The following CACNA1B variants were observed in gnomAD, a reference collection of about 807,000 sequenced individuals.
CACNA1B encodes voltage-dependent N-type calcium channel subunit alpha-1B.
In CACNA1B, 70 loss-of-function variants were observed where a neutral mutation model predicts 247.2. The ratio of observed to expected loss-of-function variants is 0.28; its 90% confidence interval spans 0.23 to 0.35. The LOEUF is 0.35. Among genes scored for constraint, CACNA1B ranks in the 10% least tolerant of loss-of-function variants. The pLI, the probability that CACNA1B is intolerant of heterozygous loss-of-function variation, is 1.00. For missense variants in CACNA1B, 2,367 were observed against 3,197.4 expected (o/e 0.74, Z 6.26); for synonymous variants, 1,231 against 1,294.4 (o/e 0.95, Z 1.05).
chr9:137,950,244 G>C lies in CACNA1B; in HGVS notation c.967-2030G>C, dbSNP rs1305697581. Among the ~76,000 whole-genome samples, 1 of 152,206 alleles carries C rather than the reference G, an allele frequency of 6.6e-6. No homozygotes were observed. The highest frequency in any genetic ancestry group is 1.9e-4 in the East Asian group (1 of 5,188). ...GGAGGGTTAGAGGTGCCTTGTTCTT[G>C]TTCTCCACGTGATTTCTGCACACTG... On this transcript the variant is annotated intron_variant, in intron 6 of 46. Transcript: ENST00000371372. The surrounding 1 kb of genome is among the most constrained non-coding windows in gnomAD (Gnocchi z 4.8).
rs943761618 is a variant in CACNA1B, at chr9:137,882,510, G to T, written c.391-234G>T. ...GGCCTGCAGGCATGACTGGGATGTT[G>T]CTGCTGTAAACAGTGGTGTCCCCAT... On this transcript the variant is annotated intron_variant, in intron 2 of 46. Coordinates refer to ENST00000371372, the MANE Select transcript of CACNA1B (RefSeq NM_000718.4). The surrounding 1 kb of genome is among the most constrained non-coding windows in gnomAD (Gnocchi z 4.0). Among the ~76,000 whole-genome samples the T allele has an allele frequency of 1.3e-5, 2 of 152,178 alleles. No homozygotes were observed. Among genetic ancestry groups the T allele is most frequent in the African/African-American group, 2.4e-5 (1 of 41,438 alleles).
Position 137,971,348 on chromosome 9 carries a change from G to A in CACNA1B, c.1334-35G>A. On this transcript the variant is annotated intron_variant, in intron 10 of 46. Transcript: ENST00000371372. The surrounding 1 kb of genome is among the most constrained non-coding windows in gnomAD (Gnocchi z 4.4). ...AGGTGGGGTAGGCGGGTGCCCATTGGTCCCCACATCCTCAGTAACTCCCCA... is the reference window on the plus strand; with the variant it reads ...AGGTGGGGTAGGCGGGTGCCCATTGATCCCCACATCCTCAGTAACTCCCCA... 6.5e-7 allele frequency: 1 copy of A among 1,530,156 alleles called. No homozygotes were observed. Among genetic ancestry groups the A allele is most frequent in the Non-Finnish European group, 8.9e-7 (1 of 1,117,804 alleles). 94.8% of individuals were successfully genotyped at this position (1,530,156 alleles called of 1,614,324 possible).
chr9:137,986,654 T>C lies in CACNA1B; in HGVS notation c.1901+110T>C. The stretch of plus-strand genomic sequence containing the variant: ...TCCACCCACCTTCCCACCAGGAAGG[T>C]CCTCAGAGGGGCCAGTGTGCAGCCA... On this transcript the variant is annotated intron_variant, in intron 14 of 46. Transcript: ENST00000371372. This position sits in a 1 kb window ranked among gnomAD's most constrained non-coding sequence, Gnocchi z 6.0. 6.8e-7 allele frequency: 1 copy of C among 1,461,322 alleles called. No homozygotes were observed. Among genetic ancestry groups the C allele is most frequent in the Middle Eastern group, 1.8e-4 (1 of 5,656 alleles). The allele number at this position is 1,461,322 out of a possible 1,614,324, so 90.5% of individuals were successfully genotyped here.
chr9:138,120,580 G>T lies in CACNA1B; in HGVS notation c.6239-51G>T, dbSNP rs369691282. 1.6e-5 allele frequency: 23 copies of T among 1,463,114 alleles called. No individual in the cohort carries two copies. The African/African-American group carries it at 2.6e-4, about 16-fold the overall frequency. 90.6% of individuals were successfully genotyped at this position (1,463,114 alleles called of 1,614,324 possible). On this transcript the variant is annotated intron_variant, in intron 45 of 46. Transcript: ENST00000371372. ...CTGTCCTGCTGGGCCCGGGGGTCAG[G>T]GGTCCCTGCCTTGGGCCTGGCCGTG...
In CACNA1B at chr9:138,084,509, G is replaced by A. The variant is rs138408244; in HGVS notation, c.5094+6251G>A. The stretch of plus-strand genomic sequence containing the variant: ...AATGTTGAATGCAGCTAAAGAAGTT[G>A]TAGGGAGACTATACCACTGCACCTG... On this transcript the variant is annotated intron_variant, in intron 36 of 46. Transcript: ENST00000371372. 5.5e-3 allele frequency among the ~76,000 whole-genome samples: 834 copies of A among 151,464 alleles called. 45 individuals carry two copies. The highest frequency in any genetic ancestry group is 0.02 in the African/African-American group (803 of 41,068).
intron 16 of CACNA1B, 50 bp from the exon 17 acceptor site, chr9:138,009,960 A>G (rs1349794328): frequency 6.9e-7 from 1 of 1,448,254 alleles, no homozygotes; most frequent in African/African-American, 1.4e-5. Context: ...CTGCAGTGTG[A>G]CTGGGGCCAT....
chr9:138,103,648 C>G (rs1203148307), intron 38 of CACNA1B, among the ~76,000 whole-genome samples: 1 of 152,232 alleles, frequency 6.6e-6, no homozygotes, highest in African/African-American at 2.4e-5. Context: ...TTCGTTCCCC[C>G]AGCACCCACC....
Position 138,054,924 on chromosome 9 carries a change from C to A in CACNA1B, c.3968+918C>A, listed in dbSNP as rs1589099928. Among the ~76,000 whole-genome samples the A allele has an allele frequency of 6.6e-6, 1 of 152,068 alleles. No homozygotes were observed. The highest frequency in any genetic ancestry group is 1.9e-4 in the East Asian group (1 of 5,170). On this transcript the variant is annotated intron_variant, in intron 26 of 46. Transcript: ENST00000371372. The surrounding 1 kb of genome is among the most constrained non-coding windows in gnomAD (Gnocchi z 4.6). Reference sequence around the variant, plus strand: ...CCCCCTTTGCTAGGGGGATTGGCCGCTTAGGTGTTCTTTTCTGGAAGTGTC... The same window carrying A: ...CCCCCTTTGCTAGGGGGATTGGCCGATTAGGTGTTCTTTTCTGGAAGTGTC...
chr9:138,028,074 C>T (rs1476514386), intron 20 of CACNA1B, among the ~76,000 whole-genome samples: 2 of 138,286 alleles, frequency 1.4e-5, no homozygotes, highest in African/African-American at 5.5e-5. Context: ...TGCTCTGTCA[C>T]CCTGGCTGGA....
rs112706344 is a variant in CACNA1B, at chr9:137,971,766, T to C, written c.1543+174T>C. The stretch of plus-strand genomic sequence containing the variant: ...GGAGCCTCTGTGGGGGCCTGGGGTG[T>C]GTCCAGAGCTGGAGGGTGGCCTCTC... On this transcript the variant is annotated intron_variant, in intron 11 of 46. Coordinates refer to ENST00000371372, the MANE Select transcript of CACNA1B (RefSeq NM_000718.4). This position sits in a 1 kb window ranked among gnomAD's most constrained non-coding sequence, Gnocchi z 4.4. Among the ~76,000 whole-genome samples the C allele has an allele frequency of 0.018, 2,708 of 152,152 alleles. 38 individuals carry two copies. The highest frequency in any genetic ancestry group is 0.056 in the East Asian group (286 of 5,144).
chr9:137,974,248 G>A lies in CACNA1B; in HGVS notation c.1544-1659G>A, dbSNP rs1420180770. On this transcript the variant is annotated intron_variant, in intron 11 of 46. Transcript: ENST00000371372. This position sits in a 1 kb window ranked among gnomAD's most constrained non-coding sequence, Gnocchi z 4.5. Reference sequence around the variant, plus strand: ...GCTGTAGGGTCCAGTGGTCTCAGTTGAGGGTGGATCCTTCCATTCCCGAGC... The same window carrying A: ...GCTGTAGGGTCCAGTGGTCTCAGTTAAGGGTGGATCCTTCCATTCCCGAGC... Among the ~76,000 whole-genome samples the A allele has an allele frequency of 1.3e-5, 2 of 152,210 alleles. No individual in the cohort carries two copies. The highest frequency in any genetic ancestry group is 2.9e-5 in the Non-Finnish European group (2 of 68,044).
At chr9:138,076,119 C>T (rs767271915) in intron 35 of CACNA1B, among the ~76,000 whole-genome samples, 2 of 152,198 alleles carry the variant, frequency 1.3e-5, no homozygotes, top group Admixed American at 6.5e-5. Context: ...AGTCTCAGAA[C>T]AGGCTGAAGG....
intron 36 of CACNA1B, among the ~76,000 whole-genome samples, chr9:138,085,350 A>G (rs765930826): frequency 6.6e-6 from 1 of 151,220 alleles, no homozygotes; most frequent in Non-Finnish European, 1.5e-5. Flanking sequence ...AAGAAAAGAA[A>G]TAATTAAAAA....
At chr9:137,943,288 T>C in intron 6 of CACNA1B, among the ~76,000 whole-genome samples, 1 of 152,202 alleles carries the variant, frequency 6.6e-6, no homozygotes, top group East Asian at 1.9e-4. Context: ...TTTCCTGACA[T>C]AGCTTAGCTA....
intron 15 of CACNA1B, among the ~76,000 whole-genome samples, chr9:137,989,795 G>A (rs1958411189): frequency 6.6e-6 from 1 of 152,084 alleles, no homozygotes; most frequent in African/African-American, 2.4e-5. Context: ...CACGACAAAA[G>A]CTTATACATT....
rs940192338 is a variant in CACNA1B, at chr9:138,011,859, G to A, written c.2161-1270G>A. On this transcript the variant is annotated intron_variant, in intron 17 of 46. Transcript: ENST00000371372. This position sits in a 1 kb window ranked among gnomAD's most constrained non-coding sequence, Gnocchi z 4.2. ...GGACATTTTAGGGAACACTGGGAAT[G>A]CTGGCTCCCAGGGGAGCCAGGTGGG... is the stretch of plus-strand genomic sequence containing the variant. Among the ~76,000 whole-genome samples, 16 of 152,206 alleles carry A rather than the reference G, an allele frequency of 1.1e-4. No homozygotes were observed. The highest frequency in any genetic ancestry group is 3.9e-4 in the African/African-American group (16 of 41,466).
chr9:138,002,773 CTCTTT>C (rs537262919), intron 15 of CACNA1B, among the ~76,000 whole-genome samples: 188 of 151,652 alleles, frequency 1.2e-3, no homozygotes, highest in African/African-American at 3.6e-3. Flanking sequence ...GAAATTTCTT[CTCTTT>C]TCTTTTCTTT....
intron 32 of CACNA1B, among the ~76,000 whole-genome samples, chr9:138,070,801 A>G (rs1960103454): frequency 6.6e-6 from 1 of 152,096 alleles, no homozygotes; most frequent in Non-Finnish European, 1.5e-5. Context: ...CCACACATCC[A>G]CACCTGACAT....
chr9:137,880,494 C>T lies in CACNA1B; in HGVS notation c.390+1335C>T, dbSNP rs1333337676. 3.3e-5 allele frequency among the ~76,000 whole-genome samples: 5 copies of T among 152,252 alleles called. No individual in the cohort carries two copies. The highest frequency in any genetic ancestry group is 2.0e-4 in the Admixed American group (3 of 15,296). ...GAGGGCAGGGCCAGGGTCAGAGGGACGCAGGCCCAGGAGCCAGGCCGGGGC... is the reference window on the plus strand; with the variant it reads ...GAGGGCAGGGCCAGGGTCAGAGGGATGCAGGCCCAGGAGCCAGGCCGGGGC... On this transcript the variant is annotated intron_variant, in intron 2 of 46. Transcript: ENST00000371372. The surrounding 1 kb of genome is among the most constrained non-coding windows in gnomAD (Gnocchi z 4.8).
Sources: gnomAD v4.1 joint callset for allele counts (sites outside exome capture counted in the v4.1 genomes callset) on GRCh38, gnomAD v4.1.1 for gene constraint, Gnocchi (gnomAD v3.1) non-coding constraint, MANE v1.5 for transcripts, NCBI Gene and HGNC (gene_info 2026-07-23, HGNC 2026-07-21) for gene names.